KIAA1217: variants seen among roughly 807,000 people sequenced by gnomAD.
KIAA1217 encodes sickle tail protein homolog.
A neutral mutation model predicts 163.9 loss-of-function variants in KIAA1217; 88 were observed. The observed-to-expected ratio is 0.54, with a 90% confidence interval of 0.45 to 0.64. The LOEUF (loss-of-function observed/expected upper bound fraction) is 0.64. Ranked by LOEUF, KIAA1217 falls within the 30% of genes least tolerant of loss-of-function variation. The pLI is 0.00. For missense variants in KIAA1217, 2,372 were observed against 2,475.0 expected, an observed-to-expected ratio of 0.96 and a Z score of 0.88; for synonymous variants, 903 against 923.1, an observed-to-expected ratio of 0.98 and a Z score of 0.39.
chr10:24,186,764 C>T (rs1330123370), intron 2 of KIAA1217, among the ~76,000 whole-genome samples: 4 of 152,198 alleles, frequency 2.6e-5, no homozygotes, highest in Non-Finnish European at 5.9e-5. Context: ...GTGGTGAGTG[C>T]CTGTAATCCC....
At chr10:24,404,980 G>A (rs982148911) in intron 3 of KIAA1217, among the ~76,000 whole-genome samples, 7 of 152,210 alleles carry the variant, frequency 4.6e-5, no homozygotes, top group Non-Finnish European at 1.0e-4. Context: ...TGGGGATGTA[G>A]GTGGGAGAGA....
intron 3 of KIAA1217, among the ~76,000 whole-genome samples, chr10:24,400,805 G>A (rs2056436911): frequency 6.6e-6 from 1 of 151,894 alleles, no homozygotes; most frequent in African/African-American, 2.4e-5. Context: ...AAGCAACCAG[G>A]GCCACCTATG....
rs77351766 is a variant in KIAA1217 at position 23,992,208 on chromosome 10, G to A, written c.-320-15017G>A. ...TTCTTTTTATTGATAATTCATTGTG[G>A]AAATTACTTTGGCAAATATGTATTC... On this transcript the variant is annotated intron_variant, in intron 1 of 18. Coordinates refer to the KIAA1217 transcript ENST00000376462. 3.0e-3 allele frequency among the ~76,000 whole-genome samples: 450 copies of A among 152,232 alleles called. 4 individuals are homozygous for A. The highest frequency in any genetic ancestry group is 0.025 in the East Asian group (127 of 5,182).
chr10:24,129,882 C>T (rs1280775911), intron 2 of KIAA1217, among the ~76,000 whole-genome samples: 1 of 151,926 alleles, frequency 6.6e-6, no homozygotes, highest in Non-Finnish European at 1.5e-5. Flanking sequence ...GATCTTAGGC[C>T]TCATGTGTCT....
In KIAA1217 at chr10:24,332,659, G is replaced by A. The variant is rs116205887; in HGVS notation, c.355-48210G>A. ...TGCGTATCCATAAGTCACACCTGTG[G>A]GACCAGAAAGAAATGATTACTTTTT... On this transcript the variant is annotated intron_variant, in intron 2 of 20. Transcript: ENST00000376454. Among the ~76,000 whole-genome samples, 1,329 of 152,146 alleles carry A rather than the reference G, an allele frequency of 8.7e-3. 22 individuals are homozygous for A. The highest frequency in any genetic ancestry group is 0.03 in the African/African-American group (1,244 of 41,506).
chr10:24,179,120 C>A (rs544038879), intron 2 of KIAA1217, among the ~76,000 whole-genome samples: 3 of 152,240 alleles, frequency 2.0e-5, no homozygotes, highest in African/African-American at 7.2e-5. Flanking sequence ...GAAGTAAAAA[C>A]CTTCAAAAAG....
intron 1 of KIAA1217, among the ~76,000 whole-genome samples, chr10:23,875,976 C>A (rs1209880594): frequency 6.6e-6 from 1 of 151,662 alleles, no homozygotes; most frequent in Non-Finnish European, 1.5e-5. Flanking sequence ...TGAGGGATAG[C>A]ACTGGGAGAA....
At chr10:24,443,558 TG>T (rs2060673151) in intron 5 of KIAA1217, among the ~76,000 whole-genome samples, 1 of 151,702 alleles carries the variant, frequency 6.6e-6, no homozygotes, top group Admixed American at 6.6e-5. Context: ...ATTGCAGTCA[TG>T]AAAAAAAAGT....
chr10:23,729,393 A>G (rs775504947), intron 1 of KIAA1217, among the ~76,000 whole-genome samples: 13 of 152,296 alleles, frequency 8.5e-5, no homozygotes, highest in South Asian at 4.1e-4. Flanking sequence ...CAAAATGACT[A>G]CACCATTTTG....
intron 1 of KIAA1217, among the ~76,000 whole-genome samples, chr10:23,948,197 C>T (rs1844149828): frequency 2.0e-5 from 3 of 152,254 alleles, no homozygotes; most frequent in African/African-American, 7.2e-5. Context: ...GCTGTGTGAC[C>T]ATAGGCAGAA....
chr10:23,774,918 T>A (rs961993531), intron 1 of KIAA1217, among the ~76,000 whole-genome samples: 50 of 152,320 alleles, frequency 3.3e-4, no homozygotes, highest in African/African-American at 1.2e-3. Context: ...ACATGGCTAT[T>A]TGGGCCTCCA....
At chr10:23,990,963 C>T (rs752923317) in intron 1 of KIAA1217, among the ~76,000 whole-genome samples, 1 of 152,096 alleles carries the variant, frequency 6.6e-6, no homozygotes, top group South Asian at 2.1e-4. Flanking sequence ...GAATTGCAGG[C>T]AAGTGAGATA....
chr10:24,297,616 T>G (rs540781706), intron 2 of KIAA1217, among the ~76,000 whole-genome samples: 80 of 152,100 alleles, frequency 5.3e-4, no homozygotes, highest in African/African-American at 1.8e-3. Flanking sequence ...ATTAGCTGGG[T>G]GTAGTGGCCC....
intron 1 of KIAA1217, among the ~76,000 whole-genome samples, chr10:23,946,083 T>C (rs1316291260): frequency 6.6e-6 from 1 of 152,126 alleles, no homozygotes; most frequent in Non-Finnish European, 1.5e-5. Flanking sequence ...CATTAATAGT[T>C]ATGGCAGAAA....
chr10:23,885,199 A>G (rs774650624), intron 1 of KIAA1217, among the ~76,000 whole-genome samples: 8 of 152,008 alleles, frequency 5.3e-5, no homozygotes, highest in South Asian at 2.1e-4. Flanking sequence ...TGATATATAC[A>G]TAGTGAAATG....
At chr10:23,796,709 G>C (rs1836225696) in intron 1 of KIAA1217, among the ~76,000 whole-genome samples, 1 of 152,058 alleles carries the variant, frequency 6.6e-6, no homozygotes, top group South Asian at 2.1e-4. Context: ...GGGTAGAGCA[G>C]CTCCAGGGTC....
At chr10:24,299,687 A>C (rs993907523) in intron 2 of KIAA1217, among the ~76,000 whole-genome samples, 5 of 152,190 alleles carry the variant, frequency 3.3e-5, no homozygotes, top group African/African-American at 9.7e-5. Flanking sequence ...GGCATGAGCC[A>C]CTGACTCAAT....
chr10:23,900,046 G>T (rs1265459237), intron 1 of KIAA1217, among the ~76,000 whole-genome samples: 1 of 146,782 alleles, frequency 6.8e-6, no homozygotes, highest in Non-Finnish European at 1.5e-5. Flanking sequence ...TCACTCTGTT[G>T]CCCAGACTGG....
intron 2 of KIAA1217, among the ~76,000 whole-genome samples, chr10:24,305,045 C>T (rs987839031): frequency 3.3e-5 from 5 of 152,148 alleles, no homozygotes; most frequent in African/African-American, 4.8e-5. Context: ...ATTAGAAGGT[C>T]CTTGATGATG....
Sources: allele counts gnomAD v4.1 joint callset (sites outside exome capture counted in the v4.1 genomes callset), GRCh38; gene constraint gnomAD v4.1.1; transcripts MANE v1.5; gene names NCBI Gene and HGNC (gene_info 2026-07-23, HGNC 2026-07-21).